Variants in GAD1 observed in about 807,000 individuals in gnomAD.
GAD1 encodes 67 kDa glutamic acid decarboxylase.
A neutral mutation model predicts 75.2 loss-of-function variants in GAD1; 35 were observed. That is an observed-to-expected ratio of 0.47 (90% confidence interval 0.36 to 0.62). The LOEUF (loss-of-function observed/expected upper bound fraction) is 0.62, where lower values mean the gene tolerates loss of function less well. Among genes scored for constraint, GAD1 ranks in the 20% least tolerant of loss-of-function variants. The pLI, the probability that GAD1 is intolerant of heterozygous loss-of-function variation, is 0.00. For synonymous variants in GAD1, 257 were observed against 271.9 expected (o/e 0.95, Z 0.54); for missense variants, 490 against 758.5 (o/e 0.65, Z 4.16).
At chr2:170,851,210 CT>C (rs984382139) in intron 12 of GAD1, among the ~76,000 whole-genome samples, 4 of 152,120 alleles carry the variant, frequency 2.6e-5, no homozygotes, top group African/African-American at 9.7e-5. Flanking sequence ...TATTACTTTC[CT>C]TTTGTAGCAG....
At chr2:170,837,981 G>A (rs1403158162) in intron 6 of GAD1, among the ~76,000 whole-genome samples, 3 of 152,168 alleles carry the variant, frequency 2.0e-5, no homozygotes, top group Non-Finnish European at 4.4e-5. Context: ...AAATTATATA[G>A]TGACCCATAT....
rs1271319679 is a variant in GAD1 at position 170,846,070 on chromosome 2, A to T, written c.1002+7A>T. The T allele has an allele frequency of 6.2e-7, 1 of 1,610,644 alleles. No individual in the cohort carries two copies. Among genetic ancestry groups the T allele is most frequent in the Non-Finnish European group, 8.5e-7 (1 of 1,176,918 alleles). The stretch of plus-strand genomic sequence containing the variant: ...TCTTGAAGCCAAACAGAAGGTATGT[A>T]CTCCGTGGTGCATCTGAACTCCAGT... On this transcript the variant is annotated splice_region_variant and intron_variant, in intron 10 of 16. Transcript: ENST00000358196.
chr2:170,856,685 A>C (rs902847784), intron 14 of GAD1, among the ~76,000 whole-genome samples: 5 of 152,194 alleles, frequency 3.3e-5, no homozygotes, highest in African/African-American at 4.8e-5. Context: ...TTCTACACTC[A>C]TTTGATTGTA....
chr2:170,859,949 A>G lies in GAD1; in HGVS notation c.*67A>G, dbSNP rs769406. ...CTCTGGCACTCCAGAACAAACCTCTATATGTTGCTGAAACACACAGGCCAT... is the reference window on the plus strand; with the variant it reads ...CTCTGGCACTCCAGAACAAACCTCTGTATGTTGCTGAAACACACAGGCCAT... On this transcript the variant is annotated 3_prime_UTR_variant, in exon 17 of 17. Transcript: ENST00000358196. 33,400 of 1,444,098 alleles carry G rather than the reference A, an allele frequency of 0.023. 978 individuals carry two copies. The highest frequency in any genetic ancestry group is 0.14 in the Admixed American group (7,917 of 55,488). 89.5% of individuals were successfully genotyped at this position (1,444,098 alleles called of 1,614,324 possible). A position where few individuals can be genotyped will look rare whatever the true frequency, so the allele number is the denominator to read the frequency against.
rs1702616944 is a variant in GAD1, at chr2:170,845,708, T to C, written c.870T>C (p.Ser290=). 1 of 1,613,956 alleles carries C rather than the reference T, an allele frequency of 6.2e-7. No individual in the cohort carries two copies. Among genetic ancestry groups the C allele is most frequent in the South Asian group, 1.1e-5 (1 of 91,082 alleles). The change falls in exon 9 of 17, where the codon AGT becomes AGC. Residue 290 remains serine, a splice_region_variant and synonymous_variant. Coordinates refer to ENST00000358196, the MANE Select transcript of GAD1 (RefSeq NM_000817.3). Reference sequence around the variant, plus strand: ...CCTCGAGCCTCTGTTTGTTGCAGAGTCACTATTCCATAAAGAAAGCTGGGG... The same window carrying C: ...CCTCGAGCCTCTGTTTGTTGCAGAGCCACTATTCCATAAAGAAAGCTGGGG... The part of the protein sequence containing the change: ...PKLVLFTSEQ[S]HYSIKKAGAA...
In GAD1 at chr2:170,859,694, G is replaced by A. The variant is rs1702920125; in HGVS notation, c.1612-15G>A. 1 of 1,613,868 alleles carries A rather than the reference G, an allele frequency of 6.2e-7. No individual in the cohort carries two copies. Among genetic ancestry groups the A allele is most frequent in the Non-Finnish European group, 8.5e-7 (1 of 1,179,854 alleles). On this transcript the variant is annotated splice_polypyrimidine_tract_variant and intron_variant, in intron 16 of 16. Coordinates refer to ENST00000358196, the MANE Select transcript of GAD1 (RefSeq NM_000817.3). The stretch of plus-strand genomic sequence containing the variant: ...ATATCAATCTTGAGTTTTGTTTTGT[G>A]TTTTCCATCACAAGGTGGCTCCAAA...
chr2:170,839,853 A>C (rs917049598), intron 6 of GAD1, among the ~76,000 whole-genome samples: 1 of 152,192 alleles, frequency 6.6e-6, no homozygotes, highest in African/African-American at 2.4e-5. Context: ...GCAATACATA[A>C]TCTTAATGGC....
At chr2:170,849,461 AAGTTTGCTTC>A in intron 12 of GAD1, 111 bp downstream of exon 12, 1 of 1,043,390 alleles carries the variant, frequency 9.6e-7, no homozygotes, top group Non-Finnish European at 1.5e-6. Context: ...ATTTCGGTCT[AAGTTTGCTTC>A]AGTTCAGCAG....
intron 6 of GAD1, 133 bp downstream of exon 6, chr2:170,837,016 A>T (rs1702394624): frequency 1.5e-6 from 1 of 679,430 alleles, no homozygotes. Flanking sequence ...CTTTAGGTTT[A>T]TCACAGTTCT....
intron 14 of GAD1, among the ~76,000 whole-genome samples, chr2:170,855,904 C>T (rs902062827): frequency 5.6e-5 from 8 of 143,848 alleles, no homozygotes; most frequent in Middle Eastern, 3.7e-3. Context: ...AAGCCATAAA[C>T]GGCAACAACA....
chr2:170,824,270 A>T (rs371463706), intron 3 of GAD1, among the ~76,000 whole-genome samples: 1 of 152,142 alleles, frequency 6.6e-6, no homozygotes, highest in Admixed American at 6.5e-5. Flanking sequence ...ACAAAACACC[A>T]AGATTTATTT....
At chr2:170,826,397 A>G (rs1167769613) in intron 3 of GAD1, among the ~76,000 whole-genome samples, 1 of 151,896 alleles carries the variant, frequency 6.6e-6, no homozygotes, top group African/African-American at 2.4e-5. Flanking sequence ...CGAAACCCCC[A>G]TCTCTACTAA....
At chr2:170,828,259 T>C (rs1291480716) in intron 3 of GAD1, among the ~76,000 whole-genome samples, 6 of 105,584 alleles carry the variant, frequency 5.7e-5, no homozygotes, top group African/African-American at 1.6e-4. Flanking sequence ...CTCTCTCTGC[T>C]GTCCTCACCC....
chr2:170,818,692 T>A lies in GAD1; in HGVS notation c.82+19T>A. 1.9e-6 allele frequency: 3 copies of A among 1,612,130 alleles called. No individual in the cohort carries two copies. Among genetic ancestry groups the A allele is most frequent in the Non-Finnish European group, 2.5e-6 (3 of 1,178,224 alleles). The stretch of plus-strand genomic sequence containing the variant: ...CCCACAAGTAGGTCCCGCCCCAATT[T>A]TCTATCAAATGAACTGCAGGGAAGA... On this transcript the variant is annotated intron_variant, in intron 2 of 16. Transcript: ENST00000358196. The surrounding 1 kb of genome is among the most constrained non-coding windows in gnomAD (Gnocchi z 5.9).
At chr2:170,846,929 G>A (rs1014519288) in intron 10 of GAD1, among the ~76,000 whole-genome samples, 10 of 152,170 alleles carry the variant, frequency 6.6e-5, no homozygotes, top group Non-Finnish European at 1.0e-4. Context: ...ACTTGAGTTG[G>A]AGAGGTAGAG....
At chr2:170,824,268 C>G (rs1345899089) in intron 3 of GAD1, among the ~76,000 whole-genome samples, 1 of 152,154 alleles carries the variant, frequency 6.6e-6, no homozygotes, top group Non-Finnish European at 1.5e-5. Flanking sequence ...AAACAAAACA[C>G]CAAGATTTAT....
intron 11 of GAD1, chr2:170,848,855 A>G (rs1267828871): frequency 2.0e-6 from 1 of 511,462 alleles, no homozygotes; most frequent in African/African-American, 1.9e-5. Flanking sequence ...ACCCAGCAGG[A>G]ACTGCTGCTT....
intron 6 of GAD1, among the ~76,000 whole-genome samples, chr2:170,839,956 G>T (rs1376523899): frequency 9.2e-5 from 14 of 152,174 alleles, no homozygotes. Context: ...TTCTCTATGG[G>T]AGTTATTCAT....
chr2:170,840,557 C>G (rs1047383039), intron 6 of GAD1, among the ~76,000 whole-genome samples: 9 of 150,992 alleles, frequency 6.0e-5, no homozygotes, highest in African/African-American at 1.9e-4. Context: ...TATGGTGCAG[C>G]CTGGCTGCTG....
Sources: gnomAD v4.1 joint callset for allele counts (sites outside exome capture counted in the v4.1 genomes callset) on GRCh38, gnomAD v4.1.1 for gene constraint, Gnocchi (gnomAD v3.1) non-coding constraint, MANE v1.5 for transcripts, NCBI Gene and HGNC (gene_info 2026-07-23, HGNC 2026-07-21) for gene names.